Variants in NAPG observed in about 807,000 individuals in gnomAD.
NAPG encodes the protein gamma-soluble NSF attachment protein.
Under a neutral mutation model 48.4 loss-of-function variants are expected in NAPG, and 25 were observed. The observed-to-expected ratio is 0.52, with a 90% CI of 0.38 to 0.72. NAPG has a LOEUF of 0.72. Ranked by LOEUF, NAPG falls within the 30% of genes least tolerant of loss-of-function variation. The probability of loss-of-function intolerance (pLI) is 0.00; values close to 1 mark genes in which losing one functional copy is unlikely to be tolerated. For missense variants in NAPG, 359 were observed against 372.5 expected (o/e 0.96, Z 0.30); for synonymous variants, 139 against 127.2 (o/e 1.09, Z -0.62).
At chr18:10,547,694 TAA>T (rs1316947625) in intron 9 of NAPG, among the ~76,000 whole-genome samples, 2 of 152,182 alleles carry the variant, frequency 1.3e-5, no homozygotes, top group Non-Finnish European at 1.5e-5. Flanking sequence ...GATAGATCAG[TAA>T]AAGTTACCTA....
chr18:10,540,387 T>C lies in NAPG; in HGVS notation c.494T>C (p.Val165Ala). 1.9e-6 allele frequency: 3 copies of C among 1,613,042 alleles called. No individual in the cohort carries two copies. Among genetic ancestry groups the C allele is most frequent in the Non-Finnish European group, 1.7e-6 (2 of 1,179,232 alleles). Residue 165 changes from valine (V) to alanine (A), a missense_variant, in exon 8 of 12, where the codon GTA becomes GCA. Val to Ala is a moderately conservative substitution (Grantham distance 64, BLOSUM62 0). Transcript: ENST00000322897. The part of the protein sequence containing the change: ...ELLGKASRLL[V>A]RGRRFDEAAL... ...CTAGGAAAAGCCTCCAGACTACTAGTACGAGGACGTAGGTATGTCTTTAAA... is the reference window on the plus strand; with the variant it reads ...CTAGGAAAAGCCTCCAGACTACTAGCACGAGGACGTAGGTATGTCTTTAAA...
Position 10,546,851 on chromosome 18 carries a change from A to G in NAPG, c.585+447A>G, listed in dbSNP as rs1490163122. The stretch of plus-strand genomic sequence containing the variant: ...AACCAGCAATGGGAGAAGAGGTCCC[A>G]TTGTTTTCCTCTCCTTTGGCTTTGC... On this transcript the variant is annotated intron_variant, in intron 9 of 11. Coordinates refer to ENST00000322897, the MANE Select transcript of NAPG (RefSeq NM_003826.3). The surrounding 1 kb of genome is among the most constrained non-coding windows in gnomAD (Gnocchi z 4.0). Among the ~76,000 whole-genome samples, 1 of 152,200 alleles carries G rather than the reference A, an allele frequency of 6.6e-6. No individual in the cohort carries two copies. The highest frequency in any genetic ancestry group is 2.4e-5 in the African/African-American group (1 of 41,446).
At chr18:10,540,805 A>G (rs2032139884) in intron 8 of NAPG, 1 of 155,740 alleles carries the variant, frequency 6.4e-6, no homozygotes. Context: ...TGTCATTATT[A>G]GAATATTTAC....
chr18:10,541,846 C>T (rs927014737), intron 8 of NAPG, among the ~76,000 whole-genome samples: 3 of 152,228 alleles, frequency 2.0e-5, no homozygotes, highest in Non-Finnish European at 2.9e-5. Context: ...CTTTCCACAT[C>T]TTCTTTCCTT....
At chr18:10,549,125 T>A (rs1433270135) in intron 11 of NAPG, 29 bp downstream of exon 11, 4 of 1,582,074 alleles carry the variant, frequency 2.5e-6, no homozygotes, top group Non-Finnish European at 3.4e-6. Context: ...ATAGCTTTCA[T>A]CTTTTCTCTT....
chr18:10,532,626 A>G, intron 2 of NAPG, 85 bp from the exon 3 acceptor site: 2 of 1,012,276 alleles, frequency 2.0e-6, no homozygotes, highest in South Asian at 1.6e-5. Flanking sequence ...TATGTTTATA[A>G]TACTTCATAT....
chr18:10,529,124 C>T (rs2031878046), intron 1 of NAPG, among the ~76,000 whole-genome samples: 1 of 152,138 alleles, frequency 6.6e-6, no homozygotes, highest in Admixed American at 6.5e-5. Context: ...ATGGTTTGCC[C>T]AGTTTTAAAC....
rs191478149 is a variant in NAPG at position 10,549,111 on chromosome 18, T to G, written c.795+15T>G. On this transcript the variant is annotated intron_variant, in intron 11 of 11. Transcript: ENST00000322897. Reference sequence around the variant, plus strand: ...TGGACAATGATGTAAGTGGACCCATTTGCATAGCTTTCATCTTTTCTCTTG... The same window carrying G: ...TGGACAATGATGTAAGTGGACCCATGTGCATAGCTTTCATCTTTTCTCTTG... 33 of 1,601,206 alleles carry G rather than the reference T, an allele frequency of 2.1e-5. No individual in the cohort carries two copies. Among genetic ancestry groups the G allele is most frequent in the Non-Finnish European group, 2.6e-5 (31 of 1,171,352 alleles).
intron 1 of NAPG, among the ~76,000 whole-genome samples, chr18:10,530,175 T>A (rs1365831099): frequency 7.0e-6 from 1 of 142,490 alleles, no homozygotes; most frequent in Non-Finnish European, 1.5e-5. Context: ...TGTTTATGGG[T>A]GGCGAGTTTT....
At position 10,551,244 on chromosome 18, in the gene NAPG, A is replaced by G. The variant is rs982039948; in HGVS notation, c.*1024A>G. On this transcript the variant is annotated 3_prime_UTR_variant, in exon 12 of 12. Coordinates refer to ENST00000322897, the MANE Select transcript of NAPG (RefSeq NM_003826.3). ...AAGCCACCTCACCCAGCCTATGAAT[A>G]TCTTTCTAACATTGTAAGAATGAGG... 2.0e-5 allele frequency: 3 copies of G among 151,928 alleles called. No individual in the cohort carries two copies. The highest frequency in any genetic ancestry group is 7.3e-5 in the African/African-American group (3 of 41,368). 9.4% of individuals were successfully genotyped at this position (151,928 alleles called of 1,614,324 possible).
At position 10,543,597 on chromosome 18, in the gene NAPG, G is replaced by A. The variant is rs112252165; in HGVS notation, c.507-2729G>A. ...CCAGAGGAACAGTTTGAGTTGTGGT[G>A]TAGAAGGTGTCTGTTGAAAGCTTGG... On this transcript the variant is annotated intron_variant, in intron 8 of 11. Coordinates refer to ENST00000322897, the MANE Select transcript of NAPG (RefSeq NM_003826.3). This position sits in a 1 kb window ranked among gnomAD's most constrained non-coding sequence, Gnocchi z 4.4. 7.6e-4 allele frequency among the ~76,000 whole-genome samples: 116 copies of A among 152,346 alleles called. No individual in the cohort carries two copies. Among genetic ancestry groups the A allele is most frequent in the African/African-American group, 2.4e-3 (99 of 41,572 alleles).
chr18:10,537,468 G>C (rs961888587), intron 5 of NAPG, among the ~76,000 whole-genome samples: 5 of 152,124 alleles, frequency 3.3e-5, no homozygotes, highest in African/African-American at 1.2e-4. Context: ...TTCACGTTTG[G>C]GCTGAGGAGG....
rs1762918057 is a variant in NAPG at position 10,539,940 on chromosome 18, A to AG, written c.369-48_369-47insG. 1.2e-6 allele frequency: 2 copies of AG among 1,608,412 alleles called. No individual in the cohort carries two copies. The highest frequency in any genetic ancestry group is 1.1e-5 in the South Asian group (1 of 90,420). On this transcript the variant is annotated intron_variant, in intron 6 of 11. Coordinates refer to ENST00000322897, the MANE Select transcript of NAPG (RefSeq NM_003826.3). The surrounding 1 kb of genome is among the most constrained non-coding windows in gnomAD (Gnocchi z 4.7). ...TTTGTTTTAAAGAGGTCCCTGAAAA[A>AG]CAAGTTTTCCATTTCTCATATAAGA... is the stretch of plus-strand genomic sequence containing the variant.
rs181135025 is a variant in NAPG at position 10,540,017 on chromosome 18, C to G, written c.398C>G (p.Ala133Gly). The change falls in exon 7 of 12, where the codon GCT becomes GGT. Residue 133 changes from alanine (A) to glycine (G), a missense_variant. Coordinates refer to ENST00000322897, the MANE Select transcript of NAPG (RefSeq NM_003826.3). ...KLIENVDPEKAVQLYQQTANV... is the reference protein window; with the variant it reads ...KLIENVDPEKGVQLYQQTANV... ...ATAGAAAATGTTGATCCAGAGAAGGCTGTACAGTTATATCAACAGACAGCT... is the reference window on the plus strand; with the variant it reads ...ATAGAAAATGTTGATCCAGAGAAGGGTGTACAGTTATATCAACAGACAGCT... 1,076 of 1,597,040 alleles carry G rather than the reference C, an allele frequency of 6.7e-4. 1 individual carries two copies. Among genetic ancestry groups the G allele is most frequent in the Middle Eastern group, 3.1e-3 (17 of 5,458 alleles).
At chr18:10,533,358 T>C (rs1428140879) in intron 3 of NAPG, 178 bp from the exon 4 acceptor site, 14 of 462,050 alleles carry the variant, frequency 3.0e-5, no homozygotes, top group African/African-American at 2.6e-4. Context: ...TTGGGAATTA[T>C]GTAGTTTTAA....
intron 9 of NAPG, among the ~76,000 whole-genome samples, chr18:10,547,229 A>C (rs1342694714): frequency 1.3e-5 from 2 of 152,150 alleles, no homozygotes; most frequent in African/African-American, 2.4e-5. Flanking sequence ...TAAGTGTAGA[A>C]CTTCCATCCA....
At chr18:10,530,957 C>A (rs2031916793) in intron 2 of NAPG, 120 bp downstream of exon 2, 4 of 779,634 alleles carry the variant, frequency 5.1e-6, no homozygotes, top group Non-Finnish European at 5.4e-6. Context: ...AAAAAACAAA[C>A]AAAACAACTG....
In NAPG at chr18:10,550,202, C is replaced by T. The variant is rs745970519; in HGVS notation, c.921C>T (p.Tyr307=). Residue 307 remains tyrosine, a synonymous_variant, in exon 12 of 12, where the codon TAC becomes TAT. Coordinates refer to ENST00000322897, the MANE Select transcript of NAPG (RefSeq NM_003826.3). ...ATAADEEEDE[Y]SGGLC is the part of the protein sequence containing the mutation. ...CTGCTGATGAAGAGGAAGATGAATA[C>T]TCAGGAGGACTATGCTAGTATTTTG... The T allele has an allele frequency of 3.8e-6, 6 of 1,587,320 alleles. No individual in the cohort carries two copies. The African/African-American group carries it at 6.9e-5, about 18-fold the overall frequency.
At chr18:10,549,498 T>C (rs1438086761) in intron 11 of NAPG, among the ~76,000 whole-genome samples, 1 of 152,238 alleles carries the variant, frequency 6.6e-6, no homozygotes, top group East Asian at 1.9e-4. Flanking sequence ...GGACTAGCTG[T>C]GTGTTGCAGG....
Sources: gnomAD v4.1 joint callset for allele counts (sites outside exome capture counted in the v4.1 genomes callset) on GRCh38, gnomAD v4.1.1 for gene constraint, Gnocchi (gnomAD v3.1) non-coding constraint, MANE v1.5 for transcripts, NCBI Gene and HGNC (gene_info 2026-07-23, HGNC 2026-07-21) for gene names.